Variants in LMNA observed in about 807,000 individuals in gnomAD.
The protein encoded by LMNA is lamin.
LMNA carries 20 observed loss-of-function variants against 70.4 expected under a neutral mutation model. That is an observed-to-expected ratio of 0.28 (90% CI 0.20 to 0.41). The LOEUF is 0.41. Ranked by LOEUF, LMNA falls within the 10% of genes least tolerant of loss-of-function variation. The probability of loss-of-function intolerance (pLI) is 1.00; values close to 1 mark genes in which losing one functional copy is unlikely to be tolerated. For synonymous variants in LMNA, 339 were observed against 372.8 expected, an observed-to-expected ratio of 0.91 and a Z score of 1.04; for missense variants, 652 against 917.2, an observed-to-expected ratio of 0.71 and a Z score of 3.73.
Position 156,129,987 on chromosome 1 carries a change from G to C in LMNA, c.357-630G>C. ...GGACCCCTCTGTTCAGTGCAGATCA[G>C]GGCACCCAGACTGGGTCCTGAGAAA... On this transcript the variant is annotated intron_variant, in intron 1 of 11. Coordinates refer to ENST00000368300, the MANE Select transcript of LMNA (RefSeq NM_170707.4). 4 of 679,756 alleles carry C rather than the reference G, an allele frequency of 5.9e-6. No homozygotes were observed. The South Asian group carries it at 6.3e-5, about 11-fold the overall frequency. The allele number at this position is 679,756 out of a possible 1,614,324, so 42.1% of individuals were successfully genotyped here.
chr1:156,118,412 C>T (rs976891644), intron 1 of LMNA, among the ~76,000 whole-genome samples: 1 of 152,120 alleles, frequency 6.6e-6, no homozygotes, highest in African/African-American at 2.4e-5. Flanking sequence ...CGGGTATGTG[C>T]GCATGTGGGG....
At chr1:156,100,541 C>T (rs377580100) in intron 3 of LMNA, among the ~76,000 whole-genome samples, 1 of 151,908 alleles carries the variant, frequency 6.6e-6, no homozygotes, top group African/African-American at 2.4e-5. Flanking sequence ...TTATTGTGAC[C>T]GTGCCCCAGG....
rs765153637 is a variant in LMNA, at chr1:156,136,894, C to A, written c.1381-27C>A. 2.5e-6 allele frequency: 4 copies of A among 1,601,558 alleles called. No individual in the cohort carries two copies. The highest frequency in any genetic ancestry group is 3.4e-6 in the Non-Finnish European group (4 of 1,171,660). ...CAAGAGCCTGGGTGAGCCTCCCCGA[C>A]CTTCCTCTTCCCTATCTTCCCGGCA... On this transcript the variant is annotated intron_variant, in intron 7 of 11. Coordinates refer to ENST00000368300, the MANE Select transcript of LMNA (RefSeq NM_170707.4). The surrounding 1 kb of genome is among the most constrained non-coding windows in gnomAD (Gnocchi z 6.1).
At position 156,115,593 on chromosome 1, in the gene LMNA, G is replaced by C. The variant is rs1649774406; in HGVS notation, c.356+319G>C. 6.6e-6 allele frequency among the ~76,000 whole-genome samples: 1 copy of C among 152,206 alleles called. No homozygotes were observed. The highest frequency in any genetic ancestry group is 6.5e-5 in the Admixed American group (1 of 15,284). Reference sequence around the variant, plus strand: ...GGGATTTGCCAACTATTTGGAGCCGGGGGGAGGGGCTTGAGCAAAACAGAA... The same window carrying C: ...GGGATTTGCCAACTATTTGGAGCCGCGGGGAGGGGCTTGAGCAAAACAGAA... On this transcript the variant is annotated intron_variant, in intron 1 of 11. Coordinates refer to ENST00000368300, the MANE Select transcript of LMNA (RefSeq NM_170707.4). This position sits in a 1 kb window ranked among gnomAD's most constrained non-coding sequence, Gnocchi z 5.8.
upstream of LMNA, among the ~76,000 whole-genome samples, chr1:156,113,806 A>T: frequency 6.6e-6 from 1 of 152,192 alleles, no homozygotes; most frequent in African/African-American, 2.4e-5. Context: ...TAAATTATCC[A>T]TTAAAATAAG....
intron 2 of LMNA, among the ~76,000 whole-genome samples, chr1:156,132,488 AAAAAT>A: frequency 6.6e-6 from 1 of 152,122 alleles, no homozygotes; most frequent in African/African-American, 2.4e-5. Flanking sequence ...ATAAATAAAT[AAAAAT>A]AAAAATAAAT....
chr1:156,139,784 T>C lies in LMNA; in HGVS notation c.*678T>C. 2 of 1,531,386 alleles carry C rather than the reference T, an allele frequency of 1.3e-6. No individual in the cohort carries two copies. Among genetic ancestry groups the C allele is most frequent in the Non-Finnish European group, 1.7e-6 (2 of 1,144,800 alleles). The allele number at this position is 1,531,386 out of a possible 1,614,324, so 94.9% of individuals were successfully genotyped here. On this transcript the variant is annotated 3_prime_UTR_variant, in exon 12 of 12. Coordinates refer to ENST00000368300, the MANE Select transcript of LMNA (RefSeq NM_170707.4). ...ATTTTATTTAGACAAGAGATGGGAA[T>C]GAGGTGGGAGGTGGAAGAAGGGAGA...
chr1:156,132,964 C>T (rs183595360), intron 2 of LMNA, among the ~76,000 whole-genome samples: 11 of 151,796 alleles, frequency 7.2e-5, no homozygotes, highest in African/African-American at 1.7e-4. Context: ...CTCAGCCTCC[C>T]GAGTAGCTGG....
rs1308186117 is a variant in LMNA, at chr1:156,136,357, C to T, written c.1301C>T (p.Ala434Val). The T allele has an allele frequency of 2.5e-6, 4 of 1,612,178 alleles. No homozygotes were observed. Among genetic ancestry groups the T allele is most frequent in the Non-Finnish European group, 3.4e-6 (4 of 1,180,000 alleles). ...AGCCGCAGCAGCTTCTCACAGCACG[C>T]ACGCACTAGCGGGCGCGTGGCCGTG... ...TESRSSFSQH[A>V]RTSGRVAVEE... Residue 434 changes from alanine (A) to valine (V), a missense_variant, in exon 7 of 12, where the codon GCA becomes GTA. Coordinates refer to ENST00000368300, the MANE Select transcript of LMNA (RefSeq NM_170707.4). This position sits in a 1 kb window ranked among gnomAD's most constrained non-coding sequence, Gnocchi z 6.1.
At chr1:156,097,264 T>G (rs1460886573) in intron 3 of LMNA, among the ~76,000 whole-genome samples, 1 of 152,100 alleles carries the variant, frequency 6.6e-6, no homozygotes, top group Non-Finnish European at 1.5e-5. Flanking sequence ...CCGCAAGCAG[T>G]GATTCACCAC....
Position 156,139,496 on chromosome 1 carries a change from C to T in LMNA, c.*390C>T. 1.5e-6 allele frequency: 2 copies of T among 1,330,120 alleles called. No individual in the cohort carries two copies. Among genetic ancestry groups the T allele is most frequent in the South Asian group, 3.4e-5 (2 of 59,524 alleles). 82.4% of individuals were successfully genotyped at this position (1,330,120 alleles called of 1,614,324 possible). On this transcript the variant is annotated 3_prime_UTR_variant, in exon 12 of 12. Transcript: ENST00000368300. ...CTGGCTGCTGCCCCCACCCCGGGGACCCTGTGACATGGTGCCTGAGAGGCA... is the reference window on the plus strand; with the variant it reads ...CTGGCTGCTGCCCCCACCCCGGGGATCCTGTGACATGGTGCCTGAGAGGCA...
In LMNA at chr1:156,135,830, C is replaced by A. The variant is rs770726826; in HGVS notation, c.937-71C>A. 8.1e-6 allele frequency: 11 copies of A among 1,355,740 alleles called. No individual in the cohort carries two copies. The highest frequency in any genetic ancestry group is 7.3e-6 in the Non-Finnish European group (7 of 964,518). 84.0% of individuals were successfully genotyped at this position (1,355,740 alleles called of 1,614,324 possible). ...AGAGAGTAGCCAGGTGTCTCCTACA[C>A]CGACCCACGTCCCTCCTTCCCCATA... On this transcript the variant is annotated intron_variant, in intron 5 of 11. Transcript: ENST00000368300. The surrounding 1 kb of genome is among the most constrained non-coding windows in gnomAD (Gnocchi z 4.8).
chr1:156,092,872 CTTTT>C (rs1648759481), intron 3 of LMNA, among the ~76,000 whole-genome samples: 1 of 149,144 alleles, frequency 6.7e-6, no homozygotes, highest in Non-Finnish European at 1.5e-5. Flanking sequence ...TCCTTTCTTT[CTTTT>C]CTTTTCTTTT....
At chr1:156,121,321 G>A (rs1650174304) in intron 1 of LMNA, among the ~76,000 whole-genome samples, 1 of 152,010 alleles carries the variant, frequency 6.6e-6, no homozygotes, top group African/African-American at 2.4e-5. Context: ...AGTGCTGAGA[G>A]CCACTGAGCC....
intron 3 of LMNA, among the ~76,000 whole-genome samples, chr1:156,098,648 C>T (rs1039247549): frequency 1.3e-5 from 2 of 152,138 alleles, no homozygotes; most frequent in African/African-American, 4.8e-5. Flanking sequence ...AGTGGTAACT[C>T]AGGATACCCT....
At position 156,135,892 on chromosome 1, in the gene LMNA, C is replaced by T. The variant is rs1332011298; in HGVS notation, c.937-9C>T. ...TGGGAGCTCACCAAACCCTCCCACC[C>T]CCCTTCAGCTGGCAGCCAAGGAGGC... On this transcript the variant is annotated splice_polypyrimidine_tract_variant and intron_variant, in intron 5 of 11. Coordinates refer to ENST00000368300, the MANE Select transcript of LMNA (RefSeq NM_170707.4). The surrounding 1 kb of genome is among the most constrained non-coding windows in gnomAD (Gnocchi z 4.8). The T allele has an allele frequency of 6.8e-6, 11 of 1,612,654 alleles. No individual in the cohort carries two copies. The Admixed American group carries it at 1.8e-4, about 27-fold the overall frequency.
chr1:156,136,501 G>T lies in LMNA; in HGVS notation c.1380+65G>T. ...CAGGGAGAGAGTGGCAAGACAGAAGGATGGCATGTGGAGAGAGGAACATCC... is the reference window on the plus strand; with the variant it reads ...CAGGGAGAGAGTGGCAAGACAGAAGTATGGCATGTGGAGAGAGGAACATCC... On this transcript the variant is annotated intron_variant, in intron 7 of 11. Coordinates refer to ENST00000368300, the MANE Select transcript of LMNA (RefSeq NM_170707.4). The surrounding 1 kb of genome is among the most constrained non-coding windows in gnomAD (Gnocchi z 6.1). 6.9e-7 allele frequency: 1 copy of T among 1,459,606 alleles called. No individual in the cohort carries two copies. 90.4% of individuals were successfully genotyped at this position (1,459,606 alleles called of 1,614,324 possible).
At chr1:156,121,121 C>G (rs183963975) in intron 1 of LMNA, among the ~76,000 whole-genome samples, 4 of 141,434 alleles carry the variant, frequency 2.8e-5, no homozygotes, top group South Asian at 4.5e-4. Context: ...ATGATCTTGG[C>G]TTACTGCAAT....
chr1:156,117,455 G>C (rs1193626679), intron 1 of LMNA, among the ~76,000 whole-genome samples: 1 of 150,916 alleles, frequency 6.6e-6, no homozygotes, highest in Non-Finnish European at 1.5e-5. Flanking sequence ...GGGTGATCTC[G>C]AACTCCTGAC....
Sources: gnomAD v4.1 joint callset for allele counts (sites outside exome capture counted in the v4.1 genomes callset) on GRCh38, gnomAD v4.1.1 for gene constraint, Gnocchi (gnomAD v3.1) non-coding constraint, MANE v1.5 for transcripts, NCBI Gene and HGNC (gene_info 2026-07-23, HGNC 2026-07-21) for gene names.